Variants in CAMK2A observed in about 807,000 individuals in gnomAD.
CAMK2A encodes calcium/calmodulin dependent protein kinase II alpha.
CAMK2A carries 7 observed loss-of-function variants against 79.2 expected under a neutral mutation model. The observed-to-expected ratio is 0.09, with a 90% confidence interval of 0.05 to 0.17. The LOEUF is 0.17. Among genes scored for constraint, CAMK2A ranks in the 10% least tolerant of loss-of-function variants. CAMK2A has a pLI of 1.00. For synonymous variants in CAMK2A, 242 were observed against 251.7 expected, an observed-to-expected ratio of 0.96 and a Z score of 0.36; for missense variants, 214 against 646.4, an observed-to-expected ratio of 0.33 and a Z score of 7.25.
At chr5:150,265,271 T>C in intron 2 of CAMK2A, 1 of 473,520 alleles carries the variant, frequency 2.1e-6, no homozygotes, top group South Asian at 2.1e-5. Flanking sequence ...TTCTTAAATG[T>C]GAGGCTTCTC....
chr5:150,265,857 G>T (rs897676887), intron 2 of CAMK2A, among the ~76,000 whole-genome samples: 1 of 151,490 alleles, frequency 6.6e-6, no homozygotes, highest in African/African-American at 2.4e-5. Flanking sequence ...CAGGAGAATT[G>T]CTTGAAGATG....
At chr5:150,264,383 A>T (rs1293180120) in intron 3 of CAMK2A, among the ~76,000 whole-genome samples, 1 of 152,166 alleles carries the variant, frequency 6.6e-6, no homozygotes, top group Non-Finnish European at 1.5e-5. Flanking sequence ...TCAGCCCCCC[A>T]ATTGCACAAG....
rs544705728 is a variant in CAMK2A, at chr5:150,264,989, G to A, written c.184C>T (p.Arg62Cys). ...RDHQKLEREA[R>C]ICRLLKHPNI... ...GGGTGCTTCAGCAGGCGGCAGATGC[G>A]GGCTTCACGCTCCAGCTTCTGATGG... The change falls in exon 3 of 19, where the codon CGC becomes TGC. Residue 62 changes from arginine (R) to cysteine (C), a missense_variant. Arg to Cys is a radical substitution (Grantham distance 180). This residue lies in a region of CAMK2A where 72 missense variants were observed against 333.9 expected (regional missense o/e 0.22). Transcript: ENST00000671881. The A allele has an allele frequency of 4.3e-6, 7 of 1,613,870 alleles. No homozygotes were observed. The highest frequency in any genetic ancestry group is 1.7e-5 in the Admixed American group (1 of 60,026).
chr5:150,289,925 C>T (rs1392807010), upstream of CAMK2A: 24 of 454,122 alleles, frequency 5.3e-5, no homozygotes, highest in East Asian at 7.8e-5. Flanking sequence ...TGCTCTCGGA[C>T]GCCCTGACCA....
intron 3 of CAMK2A, among the ~76,000 whole-genome samples, chr5:150,260,394 G>A (rs1340367349): frequency 2.0e-5 from 3 of 151,282 alleles, no homozygotes; most frequent in African/African-American, 7.3e-5. Context: ...GGGAGGCAGA[G>A]CTTGCAGTGA....
intron 13 of CAMK2A, among the ~76,000 whole-genome samples, chr5:150,243,280 C>T (rs137957029): frequency 3.3e-5 from 5 of 152,280 alleles, no homozygotes; most frequent in African/African-American, 7.2e-5. Context: ...CACAACCCAC[C>T]GGTGTCTCTG....
In CAMK2A at chr5:150,244,661, G is replaced by T. The variant is rs1351138828; in HGVS notation, c.984+500C>A. Among the ~76,000 whole-genome samples the T allele has an allele frequency of 7.9e-5, 12 of 152,280 alleles. No homozygotes were observed. The East Asian group carries it at 2.3e-3, about 29-fold the overall frequency. ...AACTGAACCAGCACCAGCAAGCCTT[G>T]CCGGGAGGGGGCACCTTGGAACCCA... is the stretch of plus-strand genomic sequence containing the variant. On this transcript the variant is annotated intron_variant, in intron 13 of 18. Coordinates refer to ENST00000671881, the MANE Select transcript of CAMK2A (RefSeq NM_015981.4).
Position 150,238,589 on chromosome 5 carries a change from G to A in CAMK2A, c.1066+111C>T, listed in dbSNP as rs112770824. The A allele has an allele frequency of 2.8e-3, 3,023 of 1,062,380 alleles. 10 individuals carry two copies. The highest frequency in any genetic ancestry group is 3.7e-3 in the Non-Finnish European group (2,598 of 700,602). The allele number at this position is 1,062,380 out of a possible 1,614,324, so 65.8% of individuals were successfully genotyped here. A position where few individuals can be genotyped will look rare whatever the true frequency, so the allele number is the denominator to read the frequency against. On this transcript the variant is annotated intron_variant, in intron 15 of 18. Coordinates refer to ENST00000671881, the MANE Select transcript of CAMK2A (RefSeq NM_015981.4). ...ATAAGGCACCAGAGCGAAGCTCTCT[G>A]TAGATGAGCAAGAAATGAGGTTGGC...
intron 2 of CAMK2A, among the ~76,000 whole-genome samples, chr5:150,268,900 A>G (rs1207011627): frequency 6.6e-6 from 1 of 151,982 alleles, no homozygotes; most frequent in African/African-American, 2.4e-5. Context: ...AGTAGCTGGG[A>G]CTACAGGCAC....
chr5:150,238,532 A>G (rs1461371339), intron 15 of CAMK2A, 168 bp downstream of exon 15: 2 of 719,648 alleles, frequency 2.8e-6, no homozygotes, highest in Non-Finnish European at 5.1e-6. Flanking sequence ...CCCGCCCTCC[A>G]TGGGAATGAT....
At chr5:150,263,816 C>T (rs1756396561) in intron 3 of CAMK2A, among the ~76,000 whole-genome samples, 1 of 152,192 alleles carries the variant, frequency 6.6e-6, no homozygotes, top group Admixed American at 6.5e-5. Flanking sequence ...CTGAAGGCCA[C>T]ATGGTGAGGA....
chr5:150,289,279 C>T (rs929545052), intron 1 of CAMK2A, among the ~76,000 whole-genome samples: 1 of 152,206 alleles, frequency 6.6e-6, no homozygotes, highest in Non-Finnish European at 1.5e-5. Context: ...GTTGTGTGTA[C>T]TTGTGTGCAT....
chr5:150,227,359 A>T (rs1248013983), intron 17 of CAMK2A, among the ~76,000 whole-genome samples: 1 of 152,238 alleles, frequency 6.6e-6, no homozygotes, highest in Non-Finnish European at 1.5e-5. Flanking sequence ...GAGCTCTCTC[A>T]CTGTGCAAAC....
At chr5:150,286,032 G>A (rs901823357) in intron 1 of CAMK2A, among the ~76,000 whole-genome samples, 7 of 152,190 alleles carry the variant, frequency 4.6e-5, no homozygotes, top group Non-Finnish European at 8.8e-5. Flanking sequence ...GGTCTTTGGA[G>A]AAGGCTGGGT....
chr5:150,245,099 C>G, intron 13 of CAMK2A, 62 bp downstream of exon 13: 1 of 1,540,888 alleles, frequency 6.5e-7, no homozygotes, highest in East Asian at 2.2e-5. Flanking sequence ...GCCTGAAAGC[C>G]GGTCTCTGTT....
At position 150,219,870 on chromosome 5, in the gene CAMK2A, T is replaced by TTTATTATTATTATTATTATTATTA. The variant is rs147490193; in HGVS notation, c.*2839_*2840insTAATAATAATAATAATAATAATAA. ...TTGGGTTTGGATTTTTATTTATTTA[T>TTTATTATTATTATTATTATTATTA]TTATTATTATTATTATTATTATTTT... is the stretch of plus-strand genomic sequence containing the variant. On this transcript the variant is annotated 3_prime_UTR_variant, in exon 19 of 19. Transcript: ENST00000671881. The TTTATTATTATTATTATTATTATTA allele has an allele frequency of 3.6e-5, 5 of 138,802 alleles. No homozygotes were observed. Among genetic ancestry groups the TTTATTATTATTATTATTATTATTA allele is most frequent in the African/African-American group, 1.3e-4 (5 of 39,384 alleles). The allele number at this position is 138,802 out of a possible 1,614,324, so 8.6% of individuals were successfully genotyped here.
At chr5:150,264,814 G>A (rs1240865535) in intron 3 of CAMK2A, 142 bp downstream of exon 3, 47 of 662,368 alleles carry the variant, frequency 7.1e-5, no homozygotes, top group Non-Finnish European at 2.5e-5. Flanking sequence ...CATTAAAGAC[G>A]CCCCCTTTCC....
Position 150,257,666 on chromosome 5 carries a change from A to C in CAMK2A, c.218-49T>G, listed in dbSNP as rs944118494. ...GTTACAGTGGGACACACTGCTGCAC[A>C]GGCCCGCCCTCCCTCTCTCCCCTCC... On this transcript the variant is annotated intron_variant, in intron 3 of 18. Transcript: ENST00000671881. The C allele has an allele frequency of 2.8e-6, 4 of 1,438,784 alleles. No homozygotes were observed. In the South Asian group the frequency reaches 4.9e-5, roughly 18 times the overall value. 89.1% of individuals were successfully genotyped at this position (1,438,784 alleles called of 1,614,324 possible). A position where few individuals can be genotyped will look rare whatever the true frequency, so the allele number is the denominator to read the frequency against.
At chr5:150,247,119 TC>T (rs1184737409) in intron 12 of CAMK2A, among the ~76,000 whole-genome samples, 2 of 152,234 alleles carry the variant, frequency 1.3e-5, no homozygotes, top group African/African-American at 4.8e-5. Flanking sequence ...GATTGGGCAC[TC>T]CCTGCCTTAA....
Sources: allele counts gnomAD v4.1 joint callset (sites outside exome capture counted in the v4.1 genomes callset), GRCh38; gene constraint gnomAD v4.1.1; regional missense constraint gnomAD v4.1.1; transcripts MANE v1.5; gene names NCBI Gene and HGNC (gene_info 2026-07-23, HGNC 2026-07-21).